The following ARGFX variants were observed in gnomAD, a reference collection of about 807,000 sequenced individuals.
The protein encoded by ARGFX is arginine-fifty homeobox.
ARGFX carries 10 observed loss-of-function variants against 8.0 expected under a neutral mutation model. That is an observed-to-expected ratio of 1.25 (90% CI 0.77 to 2.12). The LOEUF is 2.12. Ranked by LOEUF, ARGFX falls within the 30% of genes most tolerant of loss-of-function variation. ARGFX has a pLI of 0.00. For synonymous variants in ARGFX, 116 were observed against 117.8 expected (o/e 0.98, Z 0.10); for missense variants, 282 against 324.3 (o/e 0.87, Z 1.00).
intron 3 of ARGFX, among the ~76,000 whole-genome samples, chr3:121,582,261 A>C (rs1008292050): frequency 6.6e-6 from 1 of 152,326 alleles, no homozygotes; most frequent in East Asian, 1.9e-4. Flanking sequence ...CAAAATTCCC[A>C]GTAACAGTAT....
chr3:121,574,956 C>A (rs1320793101), intron 2 of ARGFX, among the ~76,000 whole-genome samples: 2 of 152,186 alleles, frequency 1.3e-5, no homozygotes, highest in East Asian at 3.8e-4. Context: ...AATGTATGTA[C>A]AAATTAGTCA....
intron 2 of ARGFX, among the ~76,000 whole-genome samples, chr3:121,575,007 T>G (rs66494182): frequency 6.6e-6 from 1 of 151,974 alleles, no homozygotes; most frequent in Non-Finnish European, 1.5e-5. Context: ...AAAAAATAAG[T>G]ATTTGTTGTT....
Position 121,587,345 on chromosome 3 carries a change from C to G in ARGFX, c.*745C>G, listed in dbSNP as rs1311424462. ...GGGATTACAGACATGAGCCACCGAG[C>G]CTGGCCAATTTTTGTGTTTTTTGTA... On this transcript the variant is annotated 3_prime_UTR_variant, in exon 5 of 5. Coordinates refer to ENST00000334384, the MANE Select transcript of ARGFX (RefSeq NM_001012659.2). 1.3e-5 allele frequency among the ~76,000 whole-genome samples: 2 copies of G among 152,018 alleles called. No homozygotes were observed. The highest frequency in any genetic ancestry group is 2.9e-5 in the Non-Finnish European group (2 of 68,006).
rs144775023 is a variant in ARGFX at position 121,586,208 on chromosome 3, C to A, written c.556C>A (p.Pro186Thr). 3 of 1,613,862 alleles carry A rather than the reference C, an allele frequency of 1.9e-6. No individual in the cohort carries two copies. The highest frequency in any genetic ancestry group is 2.2e-5 in the East Asian group (1 of 44,898). The change falls in exon 5 of 5, where the codon CCT becomes ACT. Residue 186 changes from proline (P) to threonine (T), a missense_variant. Pro to Thr is a conservative substitution (Grantham distance 38). Coordinates refer to ENST00000334384, the MANE Select transcript of ARGFX (RefSeq NM_001012659.2). ...CTCCCTTCCATCTCAGCCCTTAGAC[C>A]CTTCCAATTGGGCATGGAACTCTAC... is the stretch of plus-strand genomic sequence containing the variant. ...YSSLPSQPLD[P>T]SNWAWNSTFT...
rs764280967 is a variant in ARGFX at position 121,584,946 on chromosome 3, T to G, written c.250T>G (p.Ser84Ala). 2 of 1,613,670 alleles carry G rather than the reference T, an allele frequency of 1.2e-6. No individual in the cohort carries two copies. The highest frequency in any genetic ancestry group is 1.7e-6 in the Non-Finnish European group (2 of 1,179,990). ...AIRRRHKERT[S>A]FTHQQYEELE... is the part of the protein sequence containing the mutation. Reference sequence around the variant, plus strand: ...ACGGAGAAGGCATAAAGAACGTACTTCTTTCACCCACCAACAGTATGAGGA... The same window carrying G: ...ACGGAGAAGGCATAAAGAACGTACTGCTTTCACCCACCAACAGTATGAGGA... The change falls in exon 4 of 5, where the codon TCT (serine) becomes GCT (alanine). Residue 84 changes from serine to alanine, a missense_variant. Transcript: ENST00000334384.
rs923079804 is a variant in ARGFX at position 121,574,285 on chromosome 3, C to T, written c.104-2499C>T. Among the ~76,000 whole-genome samples, 8 of 152,106 alleles carry T rather than the reference C, an allele frequency of 5.3e-5. No homozygotes were observed. The South Asian group carries it at 6.2e-4, about 12-fold the overall frequency. On this transcript the variant is annotated intron_variant, in intron 2 of 4. Transcript: ENST00000334384. ...TGGTTTGTGGAAGACAGTTTTTCCA[C>T]GGACTGGTTGGGGGGCTGATTTTGG... is the stretch of plus-strand genomic sequence containing the variant.
At chr3:121,568,905 AT>A (rs2048689816) in intron 1 of ARGFX, among the ~76,000 whole-genome samples, 1 of 152,182 alleles carries the variant, frequency 6.6e-6, no homozygotes, top group South Asian at 2.1e-4. Flanking sequence ...TGCTGTTCCA[AT>A]TTTTTGGTCT....
chr3:121,581,735 TAC>T (rs374020687), intron 3 of ARGFX, among the ~76,000 whole-genome samples: 1 of 151,538 alleles, frequency 6.6e-6, no homozygotes, highest in African/African-American at 2.4e-5. Context: ...ACCTCATCTC[TAC>T]ACACACACAC....
chr3:121,576,700 T>C, intron 2 of ARGFX, 84 bp from the exon 3 acceptor site: 1 of 263,268 alleles, frequency 3.8e-6, no homozygotes, highest in South Asian at 2.4e-5. Context: ...TCTTTCTCTT[T>C]CTTTCTTTTT....
intron 2 of ARGFX, among the ~76,000 whole-genome samples, chr3:121,576,115 T>G (rs1428451069): frequency 6.6e-6 from 1 of 152,082 alleles, no homozygotes; most frequent in Non-Finnish European, 1.5e-5. Context: ...TTCTCCTTTT[T>G]TTTTTCCTTT....
chr3:121,581,850 C>T (rs867619506), intron 3 of ARGFX, among the ~76,000 whole-genome samples: 1 of 151,894 alleles, frequency 6.6e-6, no homozygotes, highest in Non-Finnish European at 1.5e-5. Flanking sequence ...TTGCAGTGAG[C>T]TATAATCAAG....
intron 3 of ARGFX, among the ~76,000 whole-genome samples, chr3:121,580,253 C>T (rs1255904965): frequency 6.6e-6 from 1 of 151,904 alleles, no homozygotes; most frequent in African/African-American, 2.4e-5. Context: ...AGTGATTCCC[C>T]TGCCTCAGCC....
In ARGFX at chr3:121,579,945, C is replaced by CTTT. The variant is rs1174620508; in HGVS notation, c.220+3069_220+3071dup. ...CTTTCTTTTTCTTTTCTTTTCTTTT[C>CTTT]TTTTTTTTTTTTTTTTTTTTTTTTT... On this transcript the variant is annotated intron_variant, in intron 3 of 4. Coordinates refer to ENST00000334384, the MANE Select transcript of ARGFX (RefSeq NM_001012659.2). Among the ~76,000 whole-genome samples the CTTT allele has an allele frequency of 7.7e-3, 706 of 91,380 alleles. 65 individuals carry two copies. The highest frequency in any genetic ancestry group is 0.026 in the African/African-American group (519 of 20,298). The allele number at this position is 91,380 out of a possible 152,430, so 59.9% of individuals were successfully genotyped here.
chr3:121,572,119 A>T (rs1423947047), intron 2 of ARGFX, among the ~76,000 whole-genome samples: 1 of 151,510 alleles, frequency 6.6e-6, no homozygotes, highest in Non-Finnish European at 1.5e-5. Context: ...GGCGTGAGCC[A>T]CCACACCCGG....
At chr3:121,580,374 C>T (rs2048771010) in intron 3 of ARGFX, among the ~76,000 whole-genome samples, 1 of 151,560 alleles carries the variant, frequency 6.6e-6, no homozygotes, top group Admixed American at 6.6e-5. Flanking sequence ...AACACCTGAC[C>T]TCATCTCTAA....
rs1046468537 is a variant in ARGFX, at chr3:121,587,331, C to A, written c.*731C>A. Among the ~76,000 whole-genome samples the A allele has an allele frequency of 6.6e-6, 1 of 152,030 alleles. No individual in the cohort carries two copies. The highest frequency in any genetic ancestry group is 1.5e-5 in the Non-Finnish European group (1 of 67,998). ...CCTCCCAAAGTGCTGGGATTACAGA[C>A]ATGAGCCACCGAGCCTGGCCAATTT... On this transcript the variant is annotated 3_prime_UTR_variant, in exon 5 of 5. Transcript: ENST00000334384.
chr3:121,586,681 A>G lies in ARGFX; in HGVS notation c.*81A>G. The stretch of plus-strand genomic sequence containing the variant: ...CATGACTGTTTTTTTCCTTTGTCTC[A>G]TTTTAACCCAACATCTGGGTCTGTG... On this transcript the variant is annotated 3_prime_UTR_variant, in exon 5 of 5. Transcript: ENST00000334384. The G allele has an allele frequency of 8.3e-7, 1 of 1,203,398 alleles. No individual in the cohort carries two copies. Among genetic ancestry groups the G allele is most frequent in the Admixed American group, 2.5e-5 (1 of 39,682 alleles). 74.5% of individuals were successfully genotyped at this position (1,203,398 alleles called of 1,614,324 possible).
At chr3:121,570,958 G>A in intron 2 of ARGFX, 142 bp downstream of exon 2, 1 of 563,662 alleles carries the variant, frequency 1.8e-6, no homozygotes, top group Non-Finnish European at 3.0e-6. Context: ...ATCATAAAAG[G>A]AGAAATACAT....
At chr3:121,585,990 A>G in intron 4 of ARGFX, 32 bp from the exon 5 acceptor site, 1 of 1,540,016 alleles carries the variant, frequency 6.5e-7, no homozygotes, top group Non-Finnish European at 8.7e-7. Flanking sequence ...CCAATAACAG[A>G]CCACAATCTC....
Sources: gnomAD v4.1 joint callset for allele counts (sites outside exome capture counted in the v4.1 genomes callset) on GRCh38, gnomAD v4.1.1 for gene constraint, MANE v1.5 for transcripts, NCBI Gene and HGNC (gene_info 2026-07-23, HGNC 2026-07-21) for gene names.